SLAIN2: variants seen among roughly 807,000 people sequenced by gnomAD.
The protein encoded by SLAIN2 is SLAIN family member 2, also known as SLAIN motif-containing protein 2.
Under a neutral mutation model 56.6 loss-of-function variants are expected in SLAIN2, and 31 were observed. The ratio of observed to expected loss-of-function variants is 0.55; its 90% CI spans 0.41 to 0.74. The LOEUF (loss-of-function observed/expected upper bound fraction) is 0.74, where lower values mean the gene tolerates loss of function less well. SLAIN2 is among the 30% of genes least tolerant of loss of function. The pLI is 0.00. For synonymous variants in SLAIN2, 317 were observed against 284.9 expected (o/e 1.11, Z -1.13); for missense variants, 777 against 754.2 (o/e 1.03, Z -0.35).
intron 1 of SLAIN2, among the ~76,000 whole-genome samples, chr4:48,367,000 AC>A (rs1715539290): frequency 6.6e-6 from 1 of 152,236 alleles, no homozygotes; most frequent in South Asian, 2.1e-4. Flanking sequence ...AATATTTTGA[AC>A]AAGTCCATGT....
chr4:48,342,236 G>A, intron 1 of SLAIN2, 108 bp downstream of exon 1: 1 of 1,269,686 alleles, frequency 7.9e-7, no homozygotes, highest in Non-Finnish European at 1.0e-6. Context: ...AGCCGGGTCC[G>A]CTCTCCTGTG....
intron 6 of SLAIN2, among the ~76,000 whole-genome samples, chr4:48,385,605 T>C (rs1033263201): frequency 4.0e-5 from 6 of 151,738 alleles, no homozygotes; most frequent in Admixed American, 6.6e-5. Context: ...TTTGAAGATA[T>C]TTAACCCTTT....
intron 1 of SLAIN2, among the ~76,000 whole-genome samples, chr4:48,362,395 C>G (rs1469140595): frequency 1.3e-5 from 2 of 150,790 alleles, no homozygotes; most frequent in East Asian, 3.9e-4. Context: ...CTCTCTCTCT[C>G]TCTGTCTCTG....
intron 6 of SLAIN2, among the ~76,000 whole-genome samples, chr4:48,410,102 T>G (rs892768917): frequency 6.6e-5 from 10 of 152,154 alleles, no homozygotes; most frequent in African/African-American, 1.9e-4. Flanking sequence ...CTCCATCTCC[T>G]CAGTAACACT....
At chr4:48,367,593 A>G (rs1638945765) in intron 1 of SLAIN2, among the ~76,000 whole-genome samples, 1 of 152,122 alleles carries the variant, frequency 6.6e-6, no homozygotes, top group African/African-American at 2.4e-5. Flanking sequence ...TGAAAGAATT[A>G]TAATGCTATT....
chr4:48,355,736 C>T (rs10033627), intron 1 of SLAIN2, among the ~76,000 whole-genome samples: 486 of 151,810 alleles, frequency 3.2e-3, no homozygotes, highest in African/African-American at 0.011. Flanking sequence ...AGGTTAAACA[C>T]GTATTTAATA....
rs192204268 is a variant in SLAIN2 at position 48,420,223 on chromosome 4, G to C, written c.1459G>C (p.Gly487Arg). ...TAGTAACCATGGCTCTGGTTCTCCT[G>C]GTAGCCAAGAAATAACACAGCTCAC... is the stretch of plus-strand genomic sequence containing the variant. The part of the protein sequence containing the change: ...AFSNHGSGSP[G>R]SQEITQLTQT... The change falls in exon 7 of 8, where the codon GGT becomes CGT. Residue 487 changes from glycine (G) to arginine (R), a missense_variant. Physicochemically the swap from Gly to Arg is moderately radical, Grantham distance 125. Coordinates refer to ENST00000264313, the MANE Select transcript of SLAIN2 (RefSeq NM_020846.2). 6 of 1,613,936 alleles carry C rather than the reference G, an allele frequency of 3.7e-6. No homozygotes were observed. In the South Asian group the frequency reaches 5.5e-5, roughly 15 times the overall value.
chr4:48,400,462 T>G (rs1290863471), intron 6 of SLAIN2, among the ~76,000 whole-genome samples: 2 of 146,312 alleles, frequency 1.4e-5, no homozygotes, highest in Admixed American at 7.0e-5. Flanking sequence ...AGTGGCATAA[T>G]CTTGGCTCAC....
At position 48,383,779 on chromosome 4, in the gene SLAIN2, C is replaced by T; in HGVS notation, c.1355C>T (p.Ser452Leu). ...ATACCTCGTATGCAACCTCAGGCTT[C>T]AGCCAGTAAGTATCCTTCTTATGCT... ...GGIPRMQPQA[S>L]AIPSPGKFRS... Residue 452 changes from serine (S) to leucine (L), a missense_variant, in exon 6 of 8, where the codon TCA becomes TTA. Coordinates refer to ENST00000264313, the MANE Select transcript of SLAIN2 (RefSeq NM_020846.2). 1 of 1,611,426 alleles carries T rather than the reference C, an allele frequency of 6.2e-7. No individual in the cohort carries two copies. Among genetic ancestry groups the T allele is most frequent in the Non-Finnish European group, 8.5e-7 (1 of 1,178,352 alleles).
chr4:48,377,457 G>A (rs1271186482), intron 2 of SLAIN2, among the ~76,000 whole-genome samples: 1 of 151,516 alleles, frequency 6.6e-6, no homozygotes, highest in Non-Finnish European at 1.5e-5. Context: ...GGGATTACAG[G>A]CATGAGCCAC....
chr4:48,401,861 A>T (rs1410951953), intron 6 of SLAIN2, among the ~76,000 whole-genome samples: 3 of 152,282 alleles, frequency 2.0e-5, no homozygotes, highest in Admixed American at 2.0e-4. Context: ...ACTTTACAGG[A>T]TCACTGGTCT....
At chr4:48,418,551 C>G (rs1245603832) in intron 6 of SLAIN2, among the ~76,000 whole-genome samples, 2 of 152,004 alleles carry the variant, frequency 1.3e-5, no homozygotes. Context: ...ATTCTATTTT[C>G]TAATATTTTT....
At chr4:48,404,096 G>A (rs138443974) in intron 6 of SLAIN2, among the ~76,000 whole-genome samples, 2 of 152,104 alleles carry the variant, frequency 1.3e-5, no homozygotes, top group African/African-American at 4.8e-5. Context: ...CAAGCTGTTC[G>A]CCTAGTCAGT....
chr4:48,396,501 T>C (rs1010024786), intron 6 of SLAIN2, among the ~76,000 whole-genome samples: 2 of 152,278 alleles, frequency 1.3e-5, no homozygotes, highest in African/African-American at 4.8e-5. Flanking sequence ...ATCTTTTGGA[T>C]CCAAGGCCAA....
At chr4:48,384,375 G>T (rs1716048517) in intron 6 of SLAIN2, among the ~76,000 whole-genome samples, 1 of 152,072 alleles carries the variant, frequency 6.6e-6, no homozygotes, top group South Asian at 2.1e-4. Flanking sequence ...TTCTGGTTTT[G>T]ATTTGATTTT....
chr4:48,373,239 A>G (rs1715717703), intron 2 of SLAIN2, among the ~76,000 whole-genome samples: 1 of 152,188 alleles, frequency 6.6e-6, no homozygotes, highest in Non-Finnish European at 1.5e-5. Context: ...TGTCACTATC[A>G]TATCCAGGTG....
At chr4:48,356,517 A>G (rs1400308591) in intron 1 of SLAIN2, among the ~76,000 whole-genome samples, 2 of 152,144 alleles carry the variant, frequency 1.3e-5, no homozygotes, top group African/African-American at 2.4e-5. Flanking sequence ...AGTATACATA[A>G]AGACTGTATT....
intron 1 of SLAIN2, among the ~76,000 whole-genome samples, chr4:48,357,636 A>G (rs536607744): frequency 5.9e-5 from 9 of 152,208 alleles, no homozygotes; most frequent in African/African-American, 2.2e-4. Context: ...CGCAGCCTCC[A>G]CTTCCACTTC....
In SLAIN2 at chr4:48,374,081, G is replaced by A. The variant is rs146100276; in HGVS notation, c.539-3815G>A. Among the ~76,000 whole-genome samples the A allele has an allele frequency of 1.7e-3, 259 of 152,194 alleles. 1 individual carries two copies. Among genetic ancestry groups the A allele is most frequent in the African/African-American group, 6.0e-3 (248 of 41,522 alleles). ...TAGAGCATTCCAGATAAAAAGAAAG[G>A]CATGTGCAAAGGCTCCATGTGGGAT... On this transcript the variant is annotated intron_variant, in intron 2 of 7. Coordinates refer to ENST00000264313, the MANE Select transcript of SLAIN2 (RefSeq NM_020846.2).
Sources: allele counts gnomAD v4.1 joint callset (sites outside exome capture counted in the v4.1 genomes callset), GRCh38; gene constraint gnomAD v4.1.1; transcripts MANE v1.5; gene names NCBI Gene and HGNC (gene_info 2026-07-23, HGNC 2026-07-21).